UBTD2: variants seen among roughly 807,000 people sequenced by gnomAD.
UBTD2 encodes the protein ubiquitin domain containing 2, also known as ubiquitin domain-containing protein 2.
In UBTD2, 9 loss-of-function variants were observed where a neutral mutation model predicts 19.8. The observed-to-expected ratio is 0.46, with a 90% confidence interval of 0.27 to 0.79. The LOEUF (loss-of-function observed/expected upper bound fraction) is 0.79. UBTD2 is among the 30% of genes least tolerant of loss of function. The pLI is 0.14. For missense variants in UBTD2, 250 were observed against 300.4 expected, an observed-to-expected ratio of 0.83 and a Z score of 1.24; for synonymous variants, 98 against 103.9, an observed-to-expected ratio of 0.94 and a Z score of 0.35.
At chr5:172,277,664 C>A (rs944323891) in intron 1 of UBTD2, among the ~76,000 whole-genome samples, 1 of 151,808 alleles carries the variant, frequency 6.6e-6, no homozygotes, top group African/African-American at 2.4e-5. Context: ...CATGATTACG[C>A]CATTGCACTC....
At position 172,237,117 on chromosome 5, in the gene UBTD2, CAG is replaced by C. The variant is rs1025051087; in HGVS notation, c.71-2761_71-2760del. Among the ~76,000 whole-genome samples, 19 of 152,270 alleles carry C rather than the reference CAG, an allele frequency of 1.2e-4. No individual in the cohort carries two copies. In the South Asian group the frequency reaches 1.9e-3, roughly 15 times the overall value. ...TTAAATTTTATTCATATACTTGAGACAGAGTCTTGCTCTGTCGCCAAGGCTGG... is the reference window on the plus strand; with the variant it reads ...TTAAATTTTATTCATATACTTGAGACAGTCTTGCTCTGTCGCCAAGGCTGG... On this transcript the variant is annotated intron_variant, in intron 1 of 2. Coordinates refer to ENST00000393792, the MANE Select transcript of UBTD2 (RefSeq NM_152277.3).
intron 2 of UBTD2, among the ~76,000 whole-genome samples, chr5:172,217,312 C>T (rs929383075): frequency 1.2e-4 from 18 of 150,210 alleles, no homozygotes; most frequent in African/African-American, 4.4e-4. Flanking sequence ...CCACCTACTC[C>T]GGAGGCTGAG....
At chr5:172,214,100 T>A (rs762830070) in intron 2 of UBTD2, among the ~76,000 whole-genome samples, 5 of 152,222 alleles carry the variant, frequency 3.3e-5, no homozygotes, top group South Asian at 2.1e-4. Flanking sequence ...CATAACTTAA[T>A]GAATGTTTTA....
chr5:172,278,325 C>T (rs1454245919), intron 1 of UBTD2, among the ~76,000 whole-genome samples: 2 of 152,028 alleles, frequency 1.3e-5, no homozygotes, highest in Admixed American at 1.3e-4. Context: ...GGAGACCAGC[C>T]TGGCCAACAT....
rs568921106 is a variant in UBTD2 at position 172,245,288 on chromosome 5, A to G, written c.71-10930T>C. On this transcript the variant is annotated intron_variant, in intron 1 of 2. Coordinates refer to ENST00000393792, the MANE Select transcript of UBTD2 (RefSeq NM_152277.3). The stretch of plus-strand genomic sequence containing the variant: ...TTGTCTTTCTAGCCATAAGGCAGAT[A>G]AAAGATCTCCTTGGTAATGGAGATC... 4.6e-5 allele frequency among the ~76,000 whole-genome samples: 7 copies of G among 152,346 alleles called. No individual in the cohort carries two copies. The East Asian group carries it at 1.2e-3, about 25-fold the overall frequency.
chr5:172,257,277 G>A (rs10463016), intron 1 of UBTD2, among the ~76,000 whole-genome samples: 22,753 of 152,140 alleles, frequency 0.15, 1,869 homozygotes, highest in East Asian at 0.28. Context: ...TAGGATAATG[G>A]CCTCCAGCTG....
intron 1 of UBTD2, among the ~76,000 whole-genome samples, chr5:172,260,396 T>A (rs1217029670): frequency 6.6e-6 from 1 of 152,170 alleles, no homozygotes; most frequent in African/African-American, 2.4e-5. Context: ...AAAACCTATC[T>A]TTACCACTGA....
intron 2 of UBTD2, among the ~76,000 whole-genome samples, chr5:172,225,933 C>CTTTTT (rs57155195): frequency 8.7e-4 from 93 of 107,506 alleles, no homozygotes; most frequent in Admixed American, 1.0e-3. Context: ...GGCTTAAACT[C>CTTTTT]TTTTTTTTTT....
chr5:172,234,166 A>T lies in UBTD2; in HGVS notation c.263T>A (p.Leu88Gln). 6.2e-7 allele frequency: 1 copy of T among 1,614,180 alleles called. No homozygotes were observed. The highest frequency in any genetic ancestry group is 8.5e-7 in the Non-Finnish European group (1 of 1,180,038). ...TGCACCATCAATGATTGCTTGTGCCAGTTCATGATCATTGCTCTCAAAAGC... is the reference window on the plus strand; with the variant it reads ...TGCACCATCAATGATTGCTTGTGCCTGTTCATGATCATTGCTCTCAAAAGC... ...AHAFESNDHE[L>Q]AQAIIDGANI... Residue 88 changes from leucine (L) to glutamine (Q), a missense_variant, in exon 2 of 3, where the codon CTG becomes CAG. Leu to Gln is a moderately radical substitution (Grantham distance 113, BLOSUM62 -2). Coordinates refer to ENST00000393792, the MANE Select transcript of UBTD2 (RefSeq NM_152277.3).
At chr5:172,250,805 C>T (rs887744139) in intron 1 of UBTD2, among the ~76,000 whole-genome samples, 1 of 151,764 alleles carries the variant, frequency 6.6e-6, no homozygotes, top group Non-Finnish European at 1.5e-5. Flanking sequence ...TGGTGGCATG[C>T]ACCTGTAGTA....
At chr5:172,274,392 G>A (rs1459423700) in intron 1 of UBTD2, among the ~76,000 whole-genome samples, 1 of 152,008 alleles carries the variant, frequency 6.6e-6, no homozygotes, top group Non-Finnish European at 1.5e-5. Context: ...GCCCGCCTCA[G>A]CCTCCCAAAG....
At chr5:172,230,751 C>G (rs945638822) in intron 2 of UBTD2, among the ~76,000 whole-genome samples, 2 of 151,142 alleles carry the variant, frequency 1.3e-5, no homozygotes, top group East Asian at 3.9e-4. Flanking sequence ...TAGTACAACA[C>G]AATGTGCCCA....
rs113383371 is a variant in UBTD2 at position 172,280,080 on chromosome 5, C to A, written c.70+3516G>T. 4.4e-3 allele frequency among the ~76,000 whole-genome samples: 652 copies of A among 149,586 alleles called. 7 individuals carry two copies. The highest frequency in any genetic ancestry group is 0.015 in the African/African-American group (604 of 40,728). ...TCGTGCCATTGCATTCCAGCCTGGGCAACAAGAGTGAAACGACGTCTCAAA... is the reference window on the plus strand; with the variant it reads ...TCGTGCCATTGCATTCCAGCCTGGGAAACAAGAGTGAAACGACGTCTCAAA... On this transcript the variant is annotated intron_variant, in intron 1 of 2. Coordinates refer to ENST00000393792, the MANE Select transcript of UBTD2 (RefSeq NM_152277.3).
intron 1 of UBTD2, among the ~76,000 whole-genome samples, chr5:172,259,167 G>C (rs1755218087): frequency 6.6e-6 from 1 of 152,030 alleles, no homozygotes; most frequent in Non-Finnish European, 1.5e-5. Flanking sequence ...TTTTGAGACA[G>C]AGTCTCGTTA....
At chr5:172,264,930 A>G (rs1755344691) in intron 1 of UBTD2, among the ~76,000 whole-genome samples, 1 of 152,200 alleles carries the variant, frequency 6.6e-6, no homozygotes, top group Admixed American at 6.6e-5. Flanking sequence ...AGAATTCTTA[A>G]AAGTTGTTGT....
intron 1 of UBTD2, among the ~76,000 whole-genome samples, chr5:172,272,229 T>A (rs1391966646): frequency 6.6e-6 from 1 of 152,236 alleles, no homozygotes; most frequent in Non-Finnish European, 1.5e-5. Context: ...ACTTGATTCT[T>A]GCTGACGGCA....
At chr5:172,253,268 G>A (rs1016762996) in intron 1 of UBTD2, among the ~76,000 whole-genome samples, 5 of 152,054 alleles carry the variant, frequency 3.3e-5, no homozygotes, top group Admixed American at 2.0e-4. Flanking sequence ...GCTTACTTAA[G>A]TGCAATGTTC....
intron 1 of UBTD2, among the ~76,000 whole-genome samples, chr5:172,273,697 T>C (rs1320074851): frequency 6.6e-6 from 1 of 150,644 alleles, no homozygotes; most frequent in Non-Finnish European, 1.5e-5. Flanking sequence ...GGAAGGTAGA[T>C]GATCAGGAAG....
chr5:172,247,602 T>C (rs1451456349), intron 1 of UBTD2, among the ~76,000 whole-genome samples: 2 of 152,196 alleles, frequency 1.3e-5, no homozygotes, highest in African/African-American at 4.8e-5. Context: ...ACATTTTTAC[T>C]AAAGATAAAA....
Sources: allele counts gnomAD v4.1 joint callset (sites outside exome capture counted in the v4.1 genomes callset), GRCh38; gene constraint gnomAD v4.1.1; transcripts MANE v1.5; gene names NCBI Gene and HGNC (gene_info 2026-07-23, HGNC 2026-07-21).